Variants in BTBD2 observed in about 807,000 individuals in gnomAD.
The protein encoded by BTBD2 is BTB domain containing 2.
Under a neutral mutation model 44.0 loss-of-function variants are expected in BTBD2, and 15 were observed. That is an observed-to-expected ratio of 0.34 (90% confidence interval 0.23 to 0.53). BTBD2 has a LOEUF of 0.53. Ranked by LOEUF, BTBD2 falls within the 20% of genes least tolerant of loss-of-function variation. The pLI, the probability that BTBD2 is intolerant of heterozygous loss-of-function variation, is 0.95. For missense variants in BTBD2, 657 were observed against 746.4 expected, an observed-to-expected ratio of 0.88 and a Z score of 1.39; for synonymous variants, 443 against 335.9, an observed-to-expected ratio of 1.32 and a Z score of -3.49.
At chr19:2,002,810 G>C (rs1461834806) in intron 1 of BTBD2, 5 of 151,040 alleles carry the variant, frequency 3.3e-5, no homozygotes, top group Admixed American at 3.3e-4. Flanking sequence ...CCAGGAGGCG[G>C]AGCTTGCAGT....
rs2016112140 is a variant in BTBD2 at position 1,987,710 on chromosome 19, T to G, written c.989-18A>C. ...TGCGGGACCTGCAGCACAGGGAGGG[T>G]GTGGGGGAGGGCCGGGCTGCACCCC... On this transcript the variant is annotated intron_variant, in intron 5 of 8. Coordinates refer to ENST00000255608, the MANE Select transcript of BTBD2 (RefSeq NM_017797.4). 2 of 1,571,974 alleles carry G rather than the reference T, an allele frequency of 1.3e-6. No homozygotes were observed. The highest frequency in any genetic ancestry group is 1.7e-6 in the Non-Finnish European group (2 of 1,155,626).
At chr19:2,005,801 A>AT (rs902002012) in intron 1 of BTBD2, among the ~76,000 whole-genome samples, 1 of 147,854 alleles carries the variant, frequency 6.8e-6, no homozygotes, top group Admixed American at 6.8e-5. Flanking sequence ...AAAAAAAATT[A>AT]TTTTTTAGCC....
At chr19:1,999,281 G>A (rs1448664959) in intron 1 of BTBD2, among the ~76,000 whole-genome samples, 1 of 152,220 alleles carries the variant, frequency 6.6e-6, no homozygotes, top group Admixed American at 6.5e-5. Flanking sequence ...CGGAATGCGA[G>A]GCCCGGCGGA....
At position 1,999,150 on chromosome 19, in the gene BTBD2, G is replaced by A. The variant is rs968559231; in HGVS notation, c.408-1687C>T. On this transcript the variant is annotated intron_variant, in intron 1 of 8. Coordinates refer to ENST00000255608, the MANE Select transcript of BTBD2 (RefSeq NM_017797.4). ...CACCACACGCGCCCCCCTAAACCCC[G>A]CAGGCCCTCAGCCCACCCGGTCCAG... Among the ~76,000 whole-genome samples, 5 of 152,020 alleles carry A rather than the reference G, an allele frequency of 3.3e-5. No individual in the cohort carries two copies. In the East Asian group the frequency reaches 5.8e-4, roughly 18 times the overall value.
intron 2 of BTBD2, among the ~76,000 whole-genome samples, 186 bp downstream of exon 2, chr19:1,997,158 C>G (rs1442413029): frequency 6.6e-6 from 1 of 151,786 alleles, no homozygotes; most frequent in Non-Finnish European, 1.5e-5. Flanking sequence ...CCAGCCTGGG[C>G]AACAGAGCGA....
chr19:1,987,897 A>G (rs1039750774), intron 5 of BTBD2: 2 of 581,040 alleles, frequency 3.4e-6, no homozygotes, highest in Non-Finnish European at 6.1e-6. Context: ...CACAGACCAG[A>G]GGCCGACAGA....
chr19:1,993,003 G>A lies in BTBD2; in HGVS notation c.684+17C>T, dbSNP rs1568216343. The A allele has an allele frequency of 4.4e-6, 5 of 1,145,914 alleles. No homozygotes were observed. Among genetic ancestry groups the A allele is most frequent in the Non-Finnish European group, 5.6e-6 (5 of 894,328 alleles). The allele number at this position is 1,145,914 out of a possible 1,614,324, so 71.0% of individuals were successfully genotyped here. ...CCAGGCCTGGCCCCGCCCCCGCCTC[G>A]TACCGGCCCCGCCCACCTGCGTGAG... On this transcript the variant is annotated intron_variant, in intron 3 of 8. Transcript: ENST00000255608.
At chr19:1,990,356 G>GC (rs2016157697) in intron 4 of BTBD2, 155 bp from the exon 5 acceptor site, 5 of 793,160 alleles carry the variant, frequency 6.3e-6, no homozygotes, top group Non-Finnish European at 9.9e-6. Flanking sequence ...TATAAATAAA[G>GC]CTTTATCAAC....
Position 1,987,703 on chromosome 19 carries a change from G to A in BTBD2, c.989-11C>T, listed in dbSNP as rs2016111896. The A allele has an allele frequency of 1.9e-6, 3 of 1,578,512 alleles. No homozygotes were observed. Among genetic ancestry groups the A allele is most frequent in the Non-Finnish European group, 2.6e-6 (3 of 1,159,186 alleles). ...CCGACTGTGCGGGACCTGCAGCACA[G>A]GGAGGGTGTGGGGGAGGGCCGGGCT... On this transcript the variant is annotated splice_polypyrimidine_tract_variant and intron_variant, in intron 5 of 8. Coordinates refer to ENST00000255608, the MANE Select transcript of BTBD2 (RefSeq NM_017797.4).
intron 1 of BTBD2, among the ~76,000 whole-genome samples, chr19:2,005,191 C>G (rs893922414): frequency 7.2e-5 from 11 of 152,156 alleles, no homozygotes; most frequent in African/African-American, 2.4e-4. Context: ...ACTGGCTGGT[C>G]TGCGGGTTTT....
intron 1 of BTBD2, chr19:2,003,360 G>A (rs2016353438): frequency 6.6e-6 from 1 of 152,112 alleles, no homozygotes; most frequent in Non-Finnish European, 1.5e-5. Context: ...TGTAATCCCA[G>A]CTACTCGGGA....
chr19:1,993,204 G>A (rs2145626562), intron 2 of BTBD2, 28 bp from the exon 3 acceptor site: 5 of 1,579,924 alleles, frequency 3.2e-6, no homozygotes, highest in African/African-American at 1.4e-5. Flanking sequence ...GTGGCCGTGA[G>A]GTGGGACCGC....
intron 7 of BTBD2, 85 bp downstream of exon 7, chr19:1,987,081 G>A (rs2016096740): frequency 1.9e-6 from 3 of 1,595,326 alleles, no homozygotes; most frequent in South Asian, 2.2e-5. Flanking sequence ...AGGGACCAGG[G>A]CCGGGGGTTC....
At chr19:1,996,602 G>T (rs964486344) in intron 2 of BTBD2, among the ~76,000 whole-genome samples, 1 of 151,704 alleles carries the variant, frequency 6.6e-6, no homozygotes, top group Non-Finnish European at 1.5e-5. Flanking sequence ...GCAGGGAACT[G>T]GCTGGACACA....
rs373932506 is a variant in BTBD2, at chr19:1,986,480, C to T, written c.*8G>A. On this transcript the variant is annotated 3_prime_UTR_variant, in exon 9 of 9. Transcript: ENST00000255608. ...CACGGAGGGAGGGCGGTGTCGGTGT[C>T]GGGCAGCCTAGGTGTAGAAGATGAC... The T allele has an allele frequency of 5.6e-5, 90 of 1,611,632 alleles. No individual in the cohort carries two copies. Among genetic ancestry groups the T allele is most frequent in the East Asian group, 2.0e-4 (9 of 44,828 alleles).
intron 2 of BTBD2, among the ~76,000 whole-genome samples, chr19:1,994,083 G>A (rs960979039): frequency 6.7e-6 from 1 of 148,764 alleles, no homozygotes; most frequent in African/African-American, 2.5e-5. Context: ...TTGAGAGGCC[G>A]AGGCGGGCAG....
chr19:2,001,871 G>T (rs901408603), intron 1 of BTBD2, among the ~76,000 whole-genome samples: 7 of 152,068 alleles, frequency 4.6e-5, no homozygotes, highest in Non-Finnish European at 7.4e-5. Flanking sequence ...CCGAGTAGCT[G>T]GGACTACAAG....
intron 2 of BTBD2, among the ~76,000 whole-genome samples, chr19:1,996,343 T>C (rs2016250563): frequency 6.6e-6 from 1 of 152,136 alleles, no homozygotes; most frequent in South Asian, 2.1e-4. Flanking sequence ...CAAAAAACAG[T>C]AATTCTGATA....
chr19:2,015,532 T>C lies in BTBD2; in HGVS notation c.172A>G (p.Thr58Ala), dbSNP rs1186870210. 1 of 947,700 alleles carries C rather than the reference T, an allele frequency of 1.1e-6. No homozygotes were observed. Among genetic ancestry groups the C allele is most frequent in the East Asian group, 1.4e-4 (1 of 6,952 alleles). The allele number at this position is 947,700 out of a possible 1,614,324, so 58.7% of individuals were successfully genotyped here. A position where few individuals can be genotyped will look rare whatever the true frequency, so the allele number is the denominator to read the frequency against. The change falls in exon 1 of 9, where the codon ACG becomes GCG. Residue 58 changes from threonine to alanine, a missense_variant. Physicochemically the swap from Thr to Ala is moderately conservative, Grantham distance 58. This residue lies in a region of BTBD2 where 191 missense variants were observed against 188.5 expected (regional missense o/e 1.01). Transcript: ENST00000255608. ...AAAAAAAPGPTPPAPPGPGTD... is the reference protein window; with the variant it reads ...AAAAAAAPGPAPPAPPGPGTD... ...CCGGGGCCCGGCGGGGCGGGCGGCG[T>C]CGGCCCAGGGGCGGCGGCGGCGGCG... is the stretch of plus-strand genomic sequence containing the variant.
Sources: allele counts gnomAD v4.1 joint callset (sites outside exome capture counted in the v4.1 genomes callset), GRCh38; gene constraint gnomAD v4.1.1; regional missense constraint gnomAD v4.1.1; transcripts MANE v1.5; gene names NCBI Gene and HGNC (gene_info 2026-07-23, HGNC 2026-07-21).